The following ADAMTS19 variants were observed in gnomAD, a reference collection of about 807,000 sequenced individuals.
The protein encoded by ADAMTS19 is A disintegrin and metalloproteinase with thrombospondin motifs 19.
In ADAMTS19, 93 loss-of-function variants were observed where a neutral mutation model predicts 153.3. The ratio of observed to expected loss-of-function variants is 0.61; its 90% CI spans 0.51 to 0.72. The LOEUF is 0.72. ADAMTS19 is among the 30% of genes least tolerant of loss of function. The probability of loss-of-function intolerance (pLI) is 0.00; values close to 1 mark genes in which losing one functional copy is unlikely to be tolerated. For missense variants in ADAMTS19, 1,482 were observed against 1,552.1 expected, an observed-to-expected ratio of 0.95 and a Z score of 0.76; for synonymous variants, 600 against 556.6, an observed-to-expected ratio of 1.08 and a Z score of -1.10.
rs988297877 is a variant in ADAMTS19, at chr5:129,714,194, T to C, written c.3312+9803T>C. ...CAGCACTTTGGGAGGCCGAGGCGGG[T>C]GGATCATGAGGTCAGGAGATCGAGA... On this transcript the variant is annotated intron_variant, in intron 21 of 22. Transcript: ENST00000274487. Among the ~76,000 whole-genome samples, 194 of 144,146 alleles carry C rather than the reference T, an allele frequency of 1.3e-3. 1 individual carries two copies. Among genetic ancestry groups the C allele is most frequent in the African/African-American group, 4.8e-3 (187 of 38,590 alleles). The allele number at this position is 144,146 out of a possible 152,430, so 94.6% of individuals were successfully genotyped here. A position where few individuals can be genotyped will look rare whatever the true frequency, so the allele number is the denominator to read the frequency against.
At chr5:129,669,978 G>C (rs552105454) in intron 16 of ADAMTS19, among the ~76,000 whole-genome samples, 1 of 151,952 alleles carries the variant, frequency 6.6e-6, no homozygotes, top group Non-Finnish European at 1.5e-5. Context: ...TATGTGGTGG[G>C]GGGTTGTTAT....
At chr5:129,731,661 A>G (rs1757449193) in intron 21 of ADAMTS19, among the ~76,000 whole-genome samples, 1 of 152,108 alleles carries the variant, frequency 6.6e-6, no homozygotes, top group South Asian at 2.1e-4. Context: ...AAAAATAAGA[A>G]AAGAGATGAG....
At chr5:129,631,160 G>GTTTTTTT (rs35770896) in intron 10 of ADAMTS19, among the ~76,000 whole-genome samples, 2 of 127,702 alleles carry the variant, frequency 1.6e-5, no homozygotes, top group African/African-American at 2.9e-5. Context: ...AAAATTTTAG[G>GTTTTTTT]TTTTTTTTTT....
At chr5:129,555,939 A>G (rs6595910) in intron 7 of ADAMTS19, among the ~76,000 whole-genome samples, 37,663 of 152,096 alleles carry the variant, frequency 0.25, 5,017 homozygotes, top group African/African-American at 0.33. Context: ...AAAACAATAG[A>G]ATATTGTGCT....
chr5:129,562,731 G>C (rs993210721), intron 7 of ADAMTS19, among the ~76,000 whole-genome samples: 1 of 152,080 alleles, frequency 6.6e-6, no homozygotes, highest in African/African-American at 2.4e-5. Flanking sequence ...AAAGATAAAT[G>C]CTGATTGAAT....
intron 11 of ADAMTS19, 65 bp from the exon 12 acceptor site, chr5:129,647,700 T>C (rs1047089453): frequency 1.3e-6 from 2 of 1,565,380 alleles, no homozygotes; most frequent in African/African-American, 1.3e-5. Flanking sequence ...AGTGACATTA[T>C]AGGCCAGCGA....
chr5:129,487,233 T>C (rs1396785348), intron 2 of ADAMTS19, among the ~76,000 whole-genome samples: 1 of 152,158 alleles, frequency 6.6e-6, no homozygotes, highest in Non-Finnish European at 1.5e-5. Flanking sequence ...AAAGGAATAC[T>C]TGGGCACTGC....
intron 8 of ADAMTS19, among the ~76,000 whole-genome samples, chr5:129,616,436 C>T (rs1180045094): frequency 1.3e-5 from 2 of 151,856 alleles, no homozygotes; most frequent in Admixed American, 6.6e-5. Context: ...TTACTGTTTA[C>T]AAATCAGATC....
intron 15 of ADAMTS19, among the ~76,000 whole-genome samples, chr5:129,658,943 T>G (rs1171314767): frequency 1.3e-5 from 2 of 152,182 alleles, no homozygotes; most frequent in Non-Finnish European, 2.9e-5. Context: ...AAATATGAAG[T>G]CATCTGTTGT....
intron 2 of ADAMTS19, among the ~76,000 whole-genome samples, chr5:129,494,574 C>T (rs1241207162): frequency 6.6e-6 from 1 of 152,110 alleles, no homozygotes; most frequent in Non-Finnish European, 1.5e-5. Flanking sequence ...GTTCAGACCT[C>T]TTTGTTTAAC....
chr5:129,632,379 A>G (rs1304799431), intron 10 of ADAMTS19, among the ~76,000 whole-genome samples: 1 of 152,014 alleles, frequency 6.6e-6, no homozygotes, highest in Non-Finnish European at 1.5e-5. Context: ...ATAATATAGC[A>G]TCTGTGTACA....
chr5:129,610,476 TC>T (rs1283692995), intron 8 of ADAMTS19, among the ~76,000 whole-genome samples: 2 of 152,090 alleles, frequency 1.3e-5, no homozygotes, highest in Non-Finnish European at 2.9e-5. Flanking sequence ...TGTGTGATGT[TC>T]CCCTTCCTGT....
chr5:129,595,106 C>A (rs923032466), intron 7 of ADAMTS19, among the ~76,000 whole-genome samples: 4 of 152,114 alleles, frequency 2.6e-5, no homozygotes, highest in African/African-American at 9.7e-5. Context: ...ATAATATGTT[C>A]ATTCTACCTT....
At chr5:129,562,858 T>C (rs1435443338) in intron 7 of ADAMTS19, among the ~76,000 whole-genome samples, 2 of 152,132 alleles carry the variant, frequency 1.3e-5, no homozygotes, top group African/African-American at 4.8e-5. Context: ...TATGGAAACT[T>C]AGTTGCTTCA....
intron 21 of ADAMTS19, among the ~76,000 whole-genome samples, chr5:129,714,484 A>G (rs1756633727): frequency 6.6e-6 from 1 of 152,016 alleles, no homozygotes; most frequent in Admixed American, 6.5e-5. Flanking sequence ...AGGACAAAAT[A>G]TGCATAAGTA....
chr5:129,465,306 G>GT (rs61242834), intron 2 of ADAMTS19, among the ~76,000 whole-genome samples: 6,695 of 125,912 alleles, frequency 0.053, 464 homozygotes, highest in African/African-American at 0.15. Flanking sequence ...TTAACACAAT[G>GT]TTTTTTTTTT....
rs25805 is a variant in ADAMTS19, at chr5:129,665,259, G to T, written c.2426-240G>T. On this transcript the variant is annotated intron_variant, in intron 15 of 22. Transcript: ENST00000274487. ...CATAAGGTATCAATGAGATTTTTTT[G>T]TTTGTTTTACATAAAATAAAAGTGC... 0.45 allele frequency among the ~76,000 whole-genome samples: 61,004 copies of T among 136,804 alleles called. 15,336 individuals are homozygous for T. The highest frequency in any genetic ancestry group is 0.73 in the African/African-American group (29,364 of 39,970). The allele number at this position is 136,804 out of a possible 152,430, so 89.7% of individuals were successfully genotyped here. A position where few individuals can be genotyped will look rare whatever the true frequency, so the allele number is the denominator to read the frequency against.
At chr5:129,508,934 C>T in intron 2 of ADAMTS19, 143 bp from the exon 3 acceptor site, 1 of 542,616 alleles carries the variant, frequency 1.8e-6, no homozygotes, top group South Asian at 3.2e-5. Flanking sequence ...AGATAGTTAC[C>T]TTGCTAGTGG....
At chr5:129,613,729 AAATCAGTG>A (rs1751354036) in intron 8 of ADAMTS19, among the ~76,000 whole-genome samples, 1 of 152,222 alleles carries the variant, frequency 6.6e-6, no homozygotes, top group African/African-American at 2.4e-5. Context: ...ACCCTTCAAA[AAATCAGTG>A]AATCCAGGAG....
Sources: allele counts gnomAD v4.1 joint callset (sites outside exome capture counted in the v4.1 genomes callset), GRCh38; gene constraint gnomAD v4.1.1; transcripts MANE v1.5; gene names NCBI Gene and HGNC (gene_info 2026-07-23, HGNC 2026-07-21).